MCOLN2: variants seen among roughly 807,000 people sequenced by gnomAD.
MCOLN2 encodes mucolipin TRP cation channel 2, also known as mucolipin-2.
MCOLN2 carries 57 observed loss-of-function variants against 67.5 expected under a neutral mutation model. The observed-to-expected ratio is 0.84, with a 90% CI of 0.68 to 1.05. The LOEUF is 1.05. Ranked by LOEUF, MCOLN2 falls within the 50% of genes least tolerant of loss-of-function variation. The pLI, the probability that MCOLN2 is intolerant of heterozygous loss-of-function variation, is 0.00. For synonymous variants in MCOLN2, 246 were observed against 233.3 expected (o/e 1.05, Z -0.50); for missense variants, 620 against 678.8 (o/e 0.91, Z 0.96).
chr1:84,956,319 G>C (rs1648788795), intron 4 of MCOLN2, 112 bp downstream of exon 4: 1 of 1,009,880 alleles, frequency 9.9e-7, no homozygotes, highest in East Asian at 2.5e-5. Flanking sequence ...GCCCCTAACA[G>C]GTTAGCTCTC....
At chr1:84,935,784 C>A (rs1647393050) in intron 11 of MCOLN2, among the ~76,000 whole-genome samples, 2 of 152,124 alleles carry the variant, frequency 1.3e-5, no homozygotes, top group African/African-American at 4.8e-5. Flanking sequence ...CACCTGGATC[C>A]TTTGAAAGGA....
intron 11 of MCOLN2, among the ~76,000 whole-genome samples, chr1:84,931,780 C>A (rs1356164565): frequency 6.6e-6 from 1 of 152,168 alleles, no homozygotes; most frequent in Non-Finnish European, 1.5e-5. Context: ...AATCCCAGCA[C>A]TTTGGGAGGC....
intron 7 of MCOLN2, among the ~76,000 whole-genome samples, chr1:84,943,508 G>C (rs567700501): frequency 6.6e-6 from 1 of 152,048 alleles, no homozygotes; most frequent in South Asian, 2.1e-4. Flanking sequence ...AGGGACAGGC[G>C]ACCCTCAGAG....
At chr1:84,928,420 T>C (rs1183680119) in intron 13 of MCOLN2, among the ~76,000 whole-genome samples, 1 of 152,168 alleles carries the variant, frequency 6.6e-6, no homozygotes, top group East Asian at 1.9e-4. Flanking sequence ...CTTTCACTTG[T>C]TCCATAGGGC....
Position 84,937,834 on chromosome 1 carries a change from C to T in MCOLN2, c.1256G>A (p.Arg419Gln), listed in dbSNP as rs754334158. 3.2e-5 allele frequency: 52 copies of T among 1,613,928 alleles called. No individual in the cohort carries two copies. The highest frequency in any genetic ancestry group is 1.2e-4 in the Admixed American group (7 of 59,988). Residue 419 changes from arginine (R) to glutamine (Q), a missense_variant, in exon 11 of 14, where the codon CGG (arginine) becomes CAG (glutamine). By Grantham distance (43) the Arg-to-Gln change is conservative. Transcript: ENST00000370608. ...TMQASLPKVL[R>Q]FCACAGMIYL... ...AATCATACCAGCACAAGCACAAAAC[C>T]GAAGAACTTTTGGCAGTGAGGCCTG... is the stretch of plus-strand genomic sequence containing the variant.
chr1:84,933,216 C>T (rs553005308), intron 11 of MCOLN2, among the ~76,000 whole-genome samples: 3 of 152,172 alleles, frequency 2.0e-5, no homozygotes, highest in Non-Finnish European at 4.4e-5. Context: ...CACTCCGTAT[C>T]GGTAAGAATC....
chr1:84,946,241 CT>C (rs1457669994), intron 7 of MCOLN2, among the ~76,000 whole-genome samples: 1 of 152,132 alleles, frequency 6.6e-6, no homozygotes, highest in Non-Finnish European at 1.5e-5. Flanking sequence ...AACTTATTAC[CT>C]TTGCTTTTTT....
intron 11 of MCOLN2, chr1:84,937,433 T>C: frequency 7.7e-6 from 2 of 259,536 alleles, no homozygotes; most frequent in African/African-American, 4.5e-5. Context: ...TTTCCTCACT[T>C]AATTTTCATT....
At chr1:84,949,123 C>CT (rs1160074571) in intron 6 of MCOLN2, among the ~76,000 whole-genome samples, 31 of 152,318 alleles carry the variant, frequency 2.0e-4, no homozygotes, top group African/African-American at 7.2e-4. Context: ...GATTGAGACT[C>CT]TGTCTCGATA....
intron 6 of MCOLN2, among the ~76,000 whole-genome samples, chr1:84,948,572 T>A (rs2102829089): frequency 6.6e-6 from 1 of 152,172 alleles, no homozygotes. Flanking sequence ...ATAATAATTC[T>A]CAAGTAGCAG....
At chr1:84,986,087 A>G (rs2102884518) in intron 1 of MCOLN2, among the ~76,000 whole-genome samples, 1 of 152,350 alleles carries the variant, frequency 6.6e-6, no homozygotes, top group African/African-American at 2.4e-5. Context: ...ACTGATATAA[A>G]AACAGGCATA....
chr1:84,955,968 G>T (rs940433358), intron 4 of MCOLN2, among the ~76,000 whole-genome samples: 1 of 152,120 alleles, frequency 6.6e-6, no homozygotes, highest in Non-Finnish European at 1.5e-5. Flanking sequence ...GACTTGATTA[G>T]CCATTAACTT....
At chr1:84,939,068 G>A (rs1647596080) in intron 9 of MCOLN2, among the ~76,000 whole-genome samples, 1 of 152,186 alleles carries the variant, frequency 6.6e-6, no homozygotes. Flanking sequence ...ACCAACAGCA[G>A]AGAATGGACG....
chr1:84,968,494 A>G (rs1222978624), intron 1 of MCOLN2, among the ~76,000 whole-genome samples: 1 of 152,244 alleles, frequency 6.6e-6, no homozygotes, highest in East Asian at 1.9e-4. Flanking sequence ...AAGTGACATA[A>G]AACAGACTAA....
chr1:84,965,544 G>GT lies in MCOLN2; in HGVS notation c.237+4dup. The GT allele has an allele frequency of 6.2e-7, 1 of 1,611,884 alleles. No individual in the cohort carries two copies. On this transcript the variant is annotated splice_donor_region_variant and intron_variant, in intron 2 of 13. Transcript: ENST00000370608. ...AAAACCAAATGAAATAATAAGATAG[G>GT]TTACCTGTGTGGTGACCATGACTAT... is the stretch of plus-strand genomic sequence containing the variant.
At chr1:84,931,669 T>A in intron 11 of MCOLN2, 101 bp from the exon 12 acceptor site, 1 of 929,058 alleles carries the variant, frequency 1.1e-6, no homozygotes, top group Non-Finnish European at 1.7e-6. Context: ...GTCATTGTAG[T>A]AGTGGTAACT....
intron 1 of MCOLN2, among the ~76,000 whole-genome samples, chr1:84,993,071 C>T (rs1465271443): frequency 2.0e-5 from 3 of 152,236 alleles, no homozygotes; most frequent in Admixed American, 6.5e-5. Flanking sequence ...AACCTTGCTG[C>T]TGTTTTATCA....
chr1:84,939,863 C>T (rs1018683467), intron 8 of MCOLN2, among the ~76,000 whole-genome samples, 161 bp from the exon 9 acceptor site: 10 of 152,168 alleles, frequency 6.6e-5, no homozygotes, highest in African/African-American at 2.4e-4. Flanking sequence ...CACACTTTCC[C>T]CTATAATCTG....
intron 1 of MCOLN2, among the ~76,000 whole-genome samples, chr1:84,977,192 T>G (rs1433859259): frequency 6.6e-6 from 1 of 152,012 alleles, no homozygotes; most frequent in Non-Finnish European, 1.5e-5. Context: ...AAATAATGGT[T>G]TATAAGATAG....
Sources: gnomAD v4.1 joint callset for allele counts (sites outside exome capture counted in the v4.1 genomes callset) on GRCh38, gnomAD v4.1.1 for gene constraint, MANE v1.5 for transcripts, NCBI Gene and HGNC (gene_info 2026-07-23, HGNC 2026-07-21) for gene names.